FRMD7: variants seen among roughly 807,000 people sequenced by gnomAD.
The protein encoded by FRMD7 is FERM domain containing 7, also known as FERM domain-containing protein 7.
A neutral mutation model predicts 44.1 loss-of-function variants in FRMD7; 14 were observed. The observed-to-expected ratio is 0.32, with a 90% confidence interval of 0.21 to 0.50. The LOEUF is 0.50. Among genes scored for constraint, FRMD7 ranks in the 20% least tolerant of loss-of-function variants. The pLI is 0.99. For missense variants in FRMD7, 501 were observed against 522.3 expected (o/e 0.96, Z 0.40); for synonymous variants, 212 against 187.4 (o/e 1.13, Z -1.07).
At position 132,078,487 on chromosome X, in the gene FRMD7, T is replaced by G. The variant is rs766452194; in HGVS notation, c.1530A>C (p.Pro510=). The G allele has an allele frequency of 2.5e-5, 30 of 1,208,716 alleles. No individual in the cohort carries two copies. The highest frequency in any genetic ancestry group is 3.2e-5 in the Non-Finnish European group (29 of 894,368). The change falls in exon 12 of 12, where the codon CCA becomes CCC. Residue 510 remains proline (P), a synonymous_variant. Transcript: ENST00000298542. ...DKPPQVPRWS[P]IRAEERTSPH... ...GACTTGTCCTTTCCTCTGCTCTAAT[T>G]GGGGACCATCTGGGCACCTGGGGTG...
intron 1 of FRMD7, among the ~76,000 whole-genome samples, chrX:132,118,335 T>G (rs1928953306): frequency 9.0e-6 from 1 of 110,999 alleles, no homozygotes; most frequent in Non-Finnish European, 1.9e-5. Flanking sequence ...TAAAACCAGG[T>G]TCTTGTCACA....
chrX:132,087,267 A>G (rs898680574), intron 5 of FRMD7, among the ~76,000 whole-genome samples: 2 of 111,590 alleles, frequency 1.8e-5, no homozygotes, highest in African/African-American at 3.3e-5. Flanking sequence ...TGAGAAAGCA[A>G]ATATCCAAAC....
rs758786935 is a variant in FRMD7 at position 132,078,116 on chromosome X, G to T, written c.1901C>A (p.Ala634Glu). 5.0e-6 allele frequency: 6 copies of T among 1,210,774 alleles called. No individual in the cohort carries two copies. Among genetic ancestry groups the T allele is most frequent in the Non-Finnish European group, 3.4e-6 (3 of 894,586 alleles). Residue 634 changes from alanine to glutamate, a missense_variant, in exon 12 of 12, where the codon GCA becomes GAA. Coordinates refer to ENST00000298542, the MANE Select transcript of FRMD7 (RefSeq NM_194277.3). Reference sequence around the variant, plus strand: ...TGCTGTACTTTGATCCATTAGAACTGCTGGCAACTCCTGCTCTGCAAACAT... The same window carrying T: ...TGCTGTACTTTGATCCATTAGAACTTCTGGCAACTCCTGCTCTGCAAACAT... Reference protein sequence around the residue: ...TDMFAEQELPAVLMDQSTAER... With the variant: ...TDMFAEQELPEVLMDQSTAER...
At chrX:132,081,205 C>T (rs779841156) in intron 9 of FRMD7, among the ~76,000 whole-genome samples, 6 of 111,138 alleles carry the variant, frequency 5.4e-5, no homozygotes, top group East Asian at 2.9e-4. Context: ...TGGTGGCCCG[C>T]GCCTGTAATT....
At chrX:132,106,756 C>T (rs1042971596) in intron 1 of FRMD7, among the ~76,000 whole-genome samples, 2 of 111,856 alleles carry the variant, frequency 1.8e-5, no homozygotes, top group Non-Finnish European at 3.8e-5. Context: ...TTATCCTTAG[C>T]GAGCTAAAGC....
At chrX:132,113,348 T>C (rs1928823431) in intron 1 of FRMD7, among the ~76,000 whole-genome samples, 1 of 111,269 alleles carries the variant, frequency 9.0e-6, no homozygotes, top group East Asian at 2.8e-4. Context: ...AAACAGACCA[T>C]TAGATATCAT....
chrX:132,077,256 T>G lies in FRMD7; in HGVS notation c.*616A>C. On this transcript the variant is annotated 3_prime_UTR_variant, in exon 12 of 12. Transcript: ENST00000298542. The stretch of plus-strand genomic sequence containing the variant: ...TGATTTAATTCATGAATTTCCTAGG[T>G]TTAGAATTCTGCCAAGTCCTAGATT... 1 of 112,612 alleles carries G rather than the reference T, an allele frequency of 8.9e-6. No individual in the cohort carries two copies. The highest frequency in any genetic ancestry group is 1.9e-5 in the Non-Finnish European group (1 of 53,172). The allele number at this position is 112,612 out of a possible 1,213,427, so 9.3% of individuals were successfully genotyped here.
At chrX:132,109,046 G>T (rs1219669610) in intron 1 of FRMD7, among the ~76,000 whole-genome samples, 1 of 111,554 alleles carries the variant, frequency 9.0e-6, no homozygotes, top group Non-Finnish European at 1.9e-5. Context: ...CCATCTGAGG[G>T]GTCTATTTTG....
In FRMD7 at chrX:132,091,667, A is replaced by C. The variant is rs1013663294; in HGVS notation, c.382+2375T>G. On this transcript the variant is annotated intron_variant, in intron 5 of 11. Transcript: ENST00000298542. ...GGTGAAACCCTGTCTCTAACTAAAA[A>C]TACAAAAAAAAAAAAAAAAAAGCCG... Among the ~76,000 whole-genome samples the C allele has an allele frequency of 2.2e-3, 220 of 98,369 alleles. 2 individuals are homozygous for C. Among genetic ancestry groups the C allele is most frequent in the African/African-American group, 8.2e-3 (213 of 25,964 alleles). The allele number at this position is 98,369 out of a possible 115,157, so 85.4% of individuals were successfully genotyped here. A position where few individuals can be genotyped will look rare whatever the true frequency, so the allele number is the denominator to read the frequency against.
At chrX:132,097,922 T>C (rs1230711910) in intron 3 of FRMD7, among the ~76,000 whole-genome samples, 1 of 112,685 alleles carries the variant, frequency 8.9e-6, no homozygotes. Flanking sequence ...TAAATATTTG[T>C]TGGTGCCCAT....
chrX:132,082,214 CAT>C, intron 9 of FRMD7, 147 bp downstream of exon 9: 1 of 583,362 alleles, frequency 1.7e-6, no homozygotes, highest in Non-Finnish European at 3.0e-6. Flanking sequence ...CTTAATGTGT[CAT>C]ACAGAGAATG....
Position 132,127,947 on chromosome X carries a change from C to A in FRMD7, c.-103G>T. 1 of 675,736 alleles carries A rather than the reference C, an allele frequency of 1.5e-6. No homozygotes were observed. Among genetic ancestry groups the A allele is most frequent in the Admixed American group, 2.3e-5 (1 of 44,157 alleles). 55.7% of individuals were successfully genotyped at this position (675,736 alleles called of 1,213,427 possible). ...ATGTGGTGCACTCGGGCCCCCCCAC[C>A]CCCAGCCAGGCATTCCCACTGTCAG... On this transcript the variant is annotated 5_prime_UTR_variant, in exon 1 of 12. Coordinates refer to ENST00000298542, the MANE Select transcript of FRMD7 (RefSeq NM_194277.3).
At chrX:132,104,011 T>C (rs1162406576) in intron 1 of FRMD7, among the ~76,000 whole-genome samples, 1 of 112,226 alleles carries the variant, frequency 8.9e-6, no homozygotes, top group South Asian at 3.7e-4. Flanking sequence ...CTTGGGCAAT[T>C]ACTGAACTTT....
At chrX:132,127,476 T>A (rs1323807355) in intron 1 of FRMD7, among the ~76,000 whole-genome samples, 1 of 112,267 alleles carries the variant, frequency 8.9e-6, no homozygotes, top group Non-Finnish European at 1.9e-5. Flanking sequence ...ATAATTTCAA[T>A]GAACAACAAT....
In FRMD7 at chrX:132,115,110, C is replaced by T. The variant is rs144861798; in HGVS notation, c.57+12678G>A. Among the ~76,000 whole-genome samples, 786 of 112,444 alleles carry T rather than the reference C, an allele frequency of 7.0e-3. 5 individuals carry two copies. Among genetic ancestry groups the T allele is most frequent in the African/African-American group, 0.024 (745 of 30,948 alleles). ...TCAGCAGTGTAACTTAACTCCGGGG[C>T]CTGCTTACAGCTTTCTGCCCCTTTT... On this transcript the variant is annotated intron_variant, in intron 1 of 11. Transcript: ENST00000298542.
At chrX:132,080,173 G>T in intron 10 of FRMD7, 25 bp downstream of exon 10, 1 of 1,167,638 alleles carries the variant, frequency 8.6e-7, no homozygotes, top group Non-Finnish European at 1.2e-6. Flanking sequence ...AAATCAACAC[G>T]AGCAAGAGAA....
chrX:132,089,934 T>C (rs1190808800), intron 5 of FRMD7, among the ~76,000 whole-genome samples: 1 of 112,217 alleles, frequency 8.9e-6, no homozygotes, highest in Non-Finnish European at 1.9e-5. Flanking sequence ...TATAAATATA[T>C]CATAAGACCT....
intron 9 of FRMD7, among the ~76,000 whole-genome samples, chrX:132,081,728 A>C (rs1927821971): frequency 8.9e-6 from 1 of 112,700 alleles, no homozygotes. Context: ...AACTTCCTCC[A>C]ACGGATTCCT....
intron 8 of FRMD7, among the ~76,000 whole-genome samples, chrX:132,083,475 T>A (rs977012918): frequency 3.6e-5 from 4 of 110,997 alleles, no homozygotes; most frequent in Non-Finnish European, 5.7e-5. Flanking sequence ...CCCACTTCTC[T>A]CATTCCTTTC....
Sources: allele counts gnomAD v4.1 joint callset (sites outside exome capture counted in the v4.1 genomes callset), GRCh38; gene constraint gnomAD v4.1.1; transcripts MANE v1.5; gene names NCBI Gene and HGNC (gene_info 2026-07-23, HGNC 2026-07-21).